GREB1: variants seen among roughly 807,000 people sequenced by gnomAD.
The protein encoded by GREB1 is protein GREB1.
A neutral mutation model predicts 200.7 loss-of-function variants in GREB1; 106 were observed. That is an observed-to-expected ratio of 0.53 (90% confidence interval 0.45 to 0.62). The LOEUF is 0.62. GREB1 is among the 20% of genes least tolerant of loss of function. The pLI is 0.00. For missense variants in GREB1, 2,243 were observed against 2,556.8 expected (o/e 0.88, Z 2.65); for synonymous variants, 1,132 against 1,092.4 (o/e 1.04, Z -0.72).
At chr2:11,506,298 T>C (rs1480199401) in intron 1 of GREB1, among the ~76,000 whole-genome samples, 1 of 152,226 alleles carries the variant, frequency 6.6e-6, no homozygotes, top group African/African-American at 2.4e-5. Context: ...GTAGTTACCA[T>C]GCAGCTGAGC....
rs760037944 is a variant in GREB1 at position 11,585,178 on chromosome 2, G to A, written c.919G>A (p.Gly307Arg). The change falls in exon 8 of 33, where the codon GGG becomes AGG. Residue 307 changes from glycine (G) to arginine (R), a missense_variant. Gly to Arg is a moderately radical substitution (Grantham distance 125, BLOSUM62 -2). Around this residue, in one of 3 missense-constraint regions of GREB1, gnomAD observed 1,178 missense variants for 1,387.4 expected, o/e 0.85. Coordinates refer to ENST00000381486, the MANE Select transcript of GREB1 (RefSeq NM_014668.4). ...TTGTCTAGGTATCTTGTCAAACTCCGGGCCCCCCAAAAAACGCCACAAAGG... is the reference window on the plus strand; with the variant it reads ...TTGTCTAGGTATCTTGTCAAACTCCAGGCCCCCCAAAAAACGCCACAAAGG... Reference protein sequence around the residue: ...PSALGILSNSGPPKKRHKGWS... With the variant: ...PSALGILSNSRPPKKRHKGWS... The A allele has an allele frequency of 1.3e-5, 20 of 1,573,386 alleles. No homozygotes were observed. The highest frequency in any genetic ancestry group is 1.7e-4 in the Middle Eastern group (1 of 5,934).
chr2:11,631,963 C>T lies in GREB1; in HGVS notation c.4666C>T (p.His1556Tyr), dbSNP rs1163018095. The T allele has an allele frequency of 2.5e-6, 4 of 1,614,148 alleles. No homozygotes were observed. Among genetic ancestry groups the T allele is most frequent in the Non-Finnish European group, 3.4e-6 (4 of 1,179,996 alleles). Residue 1556 changes from histidine (H) to tyrosine (Y), a missense_variant, in exon 27 of 33, where the codon CAT (histidine) becomes TAT (tyrosine). Physicochemically the swap from His to Tyr is moderately conservative, Grantham distance 83. Around this residue, in one of 3 missense-constraint regions of GREB1, gnomAD observed 478 missense variants for 616.3 expected, o/e 0.78. Transcript: ENST00000381486. ...TFTPTTGRHE[H>Y]GLFNLYHAMD... is the part of the protein sequence containing the mutation. ...CACTCCAACCACCGGCCGTCACGAACATGGGCTCTTTAATCTGTACCACGC... is the reference window on the plus strand; with the variant it reads ...CACTCCAACCACCGGCCGTCACGAATATGGGCTCTTTAATCTGTACCACGC...
intron 23 of GREB1, among the ~76,000 whole-genome samples, chr2:11,622,565 T>C (rs1030617401): frequency 5.9e-5 from 9 of 152,208 alleles, no homozygotes; most frequent in Non-Finnish European, 1.0e-4. Context: ...ATGATCACCA[T>C]GTGAGATGAG....
chr2:11,553,139 T>C (rs1422158322), intron 1 of GREB1, among the ~76,000 whole-genome samples: 2 of 152,228 alleles, frequency 1.3e-5, no homozygotes, highest in South Asian at 2.1e-4. Flanking sequence ...ATTTATTTTT[T>C]CTTTCACTAT....
chr2:11,589,126 G>T (rs1680476328), intron 10 of GREB1, among the ~76,000 whole-genome samples, 195 bp downstream of exon 10: 1 of 152,236 alleles, frequency 6.6e-6, no homozygotes. Context: ...GTAGGTTGAG[G>T]TTGATGGAGA....
intron 4 of GREB1, among the ~76,000 whole-genome samples, chr2:11,571,099 G>C (rs1156810313): frequency 6.6e-6 from 1 of 151,968 alleles, no homozygotes; most frequent in Non-Finnish European, 1.5e-5. Context: ...CTCCATCAAG[G>C]TGGGGATTTA....
intron 1 of GREB1, among the ~76,000 whole-genome samples, chr2:11,535,206 T>C (rs1674235501): frequency 6.6e-6 from 1 of 152,140 alleles, no homozygotes; most frequent in Admixed American, 6.5e-5. Flanking sequence ...CTGGCGTATC[T>C]GAGTCTCTGC....
intron 1 of GREB1, among the ~76,000 whole-genome samples, chr2:11,525,101 T>C (rs1673827190): frequency 6.6e-6 from 1 of 152,184 alleles, no homozygotes; most frequent in Non-Finnish European, 1.5e-5. Flanking sequence ...TAAGCCATTG[T>C]GGTTGGCTGT....
intron 16 of GREB1, among the ~76,000 whole-genome samples, chr2:11,601,227 C>G (rs1182711064): frequency 6.6e-6 from 1 of 152,202 alleles, no homozygotes; most frequent in Non-Finnish European, 1.5e-5. Context: ...GTTTGTGGGA[C>G]ATTTTCTCTG....
At chr2:11,556,021 A>G (rs1414173023) in intron 1 of GREB1, among the ~76,000 whole-genome samples, 2 of 152,220 alleles carry the variant, frequency 1.3e-5, no homozygotes, top group African/African-American at 4.8e-5. Context: ...TTTTCCAGAT[A>G]TAATTCTGTA....
chr2:11,547,239 G>A (rs1463601327), intron 1 of GREB1, among the ~76,000 whole-genome samples: 19 of 152,186 alleles, frequency 1.2e-4, no homozygotes, highest in African/African-American at 4.1e-4. Context: ...CACCGTGCTC[G>A]GCTGTGCTAG....
intron 11 of GREB1, among the ~76,000 whole-genome samples, chr2:11,593,921 G>T (rs1187316603): frequency 6.6e-6 from 1 of 152,104 alleles, no homozygotes; most frequent in Admixed American, 6.5e-5. Flanking sequence ...AGCTTTCCTG[G>T]CCTGCTTAAA....
At chr2:11,587,631 A>T in intron 9 of GREB1, 1 of 1,426,426 alleles carries the variant, frequency 7.0e-7, no homozygotes, top group Non-Finnish European at 9.2e-7. Flanking sequence ...TCTGCATATA[A>T]CACACAGCCG....
At chr2:11,507,301 C>T (rs1304385155) in intron 1 of GREB1, among the ~76,000 whole-genome samples, 1 of 151,116 alleles carries the variant, frequency 6.6e-6, no homozygotes, top group South Asian at 2.1e-4. Flanking sequence ...CCCAGCTACT[C>T]GGGAGGCTGA....
chr2:11,543,721 T>G (rs1014519168), intron 1 of GREB1, among the ~76,000 whole-genome samples: 5 of 152,226 alleles, frequency 3.3e-5, no homozygotes, highest in African/African-American at 1.2e-4. Context: ...TAAGACCTTC[T>G]CTATGAGTCC....
At position 11,585,886 on chromosome 2, in the gene GREB1, C is replaced by T. The variant is rs762406578; in HGVS notation, c.1140C>T (p.Ala380=). The part of the protein sequence containing the change: ...VPDNLLKICK[A]KPVIFKGHGN... ...ACAACTTGCTGAAAATATGCAAGGC[C>T]AAGCCAGTGATATTTAAAGGCAAGT... Residue 380 remains alanine (A), a synonymous_variant, in exon 9 of 33, where the codon GCC becomes GCT. Transcript: ENST00000381486. 1 of 1,613,940 alleles carries T rather than the reference C, an allele frequency of 6.2e-7. No individual in the cohort carries two copies. The highest frequency in any genetic ancestry group is 1.1e-5 in the South Asian group (1 of 91,070).
At chr2:11,591,277 G>A (rs987290682) in intron 10 of GREB1, 12 of 682,312 alleles carry the variant, frequency 1.8e-5, no homozygotes, top group Non-Finnish European at 2.5e-5. Flanking sequence ...CAGGTGTCAT[G>A]AACCCCGTGT....
At chr2:11,578,533 CAGG>C in intron 6 of GREB1, 102 bp downstream of exon 6, 1 of 1,229,794 alleles carries the variant, frequency 8.1e-7, no homozygotes. Context: ...CAAAATAAAT[CAGG>C]GGGCTGTTAT....
intron 1 of GREB1, among the ~76,000 whole-genome samples, chr2:11,525,422 A>G (rs919688748): frequency 1.2e-4 from 17 of 147,452 alleles, no homozygotes; most frequent in Admixed American, 3.5e-4. Flanking sequence ...GCTTGAACCT[A>G]GGAAGTGGAG....
Sources: allele counts gnomAD v4.1 joint callset (sites outside exome capture counted in the v4.1 genomes callset), GRCh38; gene constraint gnomAD v4.1.1; regional missense constraint gnomAD v4.1.1; transcripts MANE v1.5; gene names NCBI Gene and HGNC (gene_info 2026-07-23, HGNC 2026-07-21).